The following NDUFS1 variants were observed in gnomAD, a reference collection of about 807,000 sequenced individuals.
NDUFS1 encodes NADH:ubiquinone oxidoreductase core subunit S1.
In NDUFS1, 61 loss-of-function variants were observed where a neutral mutation model predicts 84.4. The ratio of observed to expected loss-of-function variants is 0.72; its 90% CI spans 0.59 to 0.89. The LOEUF (loss-of-function observed/expected upper bound fraction) is 0.89, where lower values mean the gene tolerates loss of function less well. Among genes scored for constraint, NDUFS1 ranks in the 40% least tolerant of loss-of-function variants. The pLI is 0.00. For missense variants in NDUFS1, 891 were observed against 890.0 expected, an observed-to-expected ratio of 1.00 and a Z score of -0.01; for synonymous variants, 275 against 290.0, an observed-to-expected ratio of 0.95 and a Z score of 0.53.
At position 206,135,168 on chromosome 2, in the gene NDUFS1, G is replaced by A. The variant is rs561188254; in HGVS notation, c.1393-2063C>T. Among the ~76,000 whole-genome samples the A allele has an allele frequency of 1.1e-4, 17 of 151,788 alleles. 1 individual carries two copies. Among genetic ancestry groups the A allele is most frequent in the African/African-American group, 2.2e-4 (9 of 41,430 alleles). On this transcript the variant is annotated intron_variant, in intron 13 of 18. Coordinates refer to ENST00000233190, the MANE Select transcript of NDUFS1 (RefSeq NM_005006.7). ...CAAGTAGCTGAGATTACTGGCACAC[G>A]CCACCATGCCAAGCAAATTGGGGTT...
At chr2:206,153,915 T>G (rs759411588) in intron 1 of NDUFS1, among the ~76,000 whole-genome samples, 31 of 152,108 alleles carry the variant, frequency 2.0e-4, no homozygotes, top group Non-Finnish European at 3.7e-4. Context: ...ACTTTCTAAT[T>G]CTATGCAGAG....
Position 206,141,982 on chromosome 2 carries a change from T to A in NDUFS1, c.1221A>T (p.Pro407=). Residue 407 remains proline, a synonymous_variant, in exon 12 of 19, where the codon CCA becomes CCT. Coordinates refer to ENST00000233190, the MANE Select transcript of NDUFS1 (RefSeq NM_005006.7). The part of the protein sequence containing the change: ...ADVVLLVGTN[P]RFEAPLFNAR... ...CATTAAACAGTGGTGCCTCAAAACGTGGGTTTGTACCAACCAGAAGAACAA... is the reference window on the plus strand; with the variant it reads ...CATTAAACAGTGGTGCCTCAAAACGAGGGTTTGTACCAACCAGAAGAACAA... 2.5e-6 allele frequency: 4 copies of A among 1,611,578 alleles called. No homozygotes were observed. Among genetic ancestry groups the A allele is most frequent in the Non-Finnish European group, 3.4e-6 (4 of 1,177,814 alleles).
At position 206,153,680 on chromosome 2, in the gene NDUFS1, T is replaced by C; in HGVS notation, c.-2A>G. 2.1e-6 allele frequency: 3 copies of C among 1,452,248 alleles called. No individual in the cohort carries two copies. The highest frequency in any genetic ancestry group is 2.9e-6 in the Non-Finnish European group (3 of 1,044,802). The allele number at this position is 1,452,248 out of a possible 1,614,324, so 90.0% of individuals were successfully genotyped here. A position where few individuals can be genotyped will look rare whatever the true frequency, so the allele number is the denominator to read the frequency against. On this transcript the variant is annotated splice_region_variant and 5_prime_UTR_variant, in exon 2 of 19. Coordinates refer to ENST00000233190, the MANE Select transcript of NDUFS1 (RefSeq NM_005006.7). Reference sequence around the variant, plus strand: ...CTTTCTTACAGGTATCCTTAACATATTGCTAAAAATAAAACAAAGAATTAT... The same window carrying C: ...CTTTCTTACAGGTATCCTTAACATACTGCTAAAAATAAAACAAAGAATTAT...
chr2:206,138,178 C>T, intron 13 of NDUFS1, among the ~76,000 whole-genome samples: 1 of 152,182 alleles, frequency 6.6e-6, no homozygotes, highest in East Asian at 1.9e-4. Flanking sequence ...GCAACCTCCG[C>T]CTCCTGGGTT....
Position 206,119,752 on chromosome 2 carries a change from T to C in NDUFS1, c.*4433A>G, listed in dbSNP as rs1257958681. 6.6e-6 allele frequency: 1 copy of C among 152,118 alleles called. No homozygotes were observed. The highest frequency in any genetic ancestry group is 2.4e-5 in the African/African-American group (1 of 41,422). 9.4% of individuals were successfully genotyped at this position (152,118 alleles called of 1,614,324 possible). A position where few individuals can be genotyped will look rare whatever the true frequency, so the allele number is the denominator to read the frequency against. The stretch of plus-strand genomic sequence containing the variant: ...AATTAATGTATTCATTATAATACAA[T>C]TTACTACAAATTTGAGGGGGGAGGC... On this transcript the variant is annotated 3_prime_UTR_variant, in exon 19 of 19. Coordinates refer to ENST00000233190, the MANE Select transcript of NDUFS1 (RefSeq NM_005006.7).
intron 14 of NDUFS1, among the ~76,000 whole-genome samples, chr2:206,130,697 A>G (rs2105949526): frequency 1.3e-5 from 2 of 152,308 alleles, no homozygotes; most frequent in East Asian, 3.9e-4. Flanking sequence ...TGCTAAAACC[A>G]GAAACAGCAG....
At chr2:206,155,136 T>A (rs1463614792) in intron 1 of NDUFS1, among the ~76,000 whole-genome samples, 3 of 151,872 alleles carry the variant, frequency 2.0e-5, no homozygotes, top group Non-Finnish European at 2.9e-5. Flanking sequence ...ATTTATTTAT[T>A]GAGACGGAGT....
intron 12 of NDUFS1, 83 bp from the exon 13 acceptor site, chr2:206,138,697 T>G: frequency 7.3e-7 from 1 of 1,370,202 alleles, no homozygotes; most frequent in Non-Finnish European, 1.0e-6. Context: ...ATACATCTAT[T>G]TACTATTACA....
intron 16 of NDUFS1, chr2:206,127,576 CAG>C (rs1160229270): frequency 2.7e-5 from 13 of 477,550 alleles, no homozygotes; most frequent in Non-Finnish European, 4.8e-5. Flanking sequence ...TTTTAAGAGA[CAG>C]GGTCTTGCTC....
rs1038734448 is a variant in NDUFS1, at chr2:206,146,781, A to G, written c.737+122T>C. ...TTACCTTCTATTTAAAGGGTTTTACATAAACAAACAAAGTCAACAGACCAA... is the reference window on the plus strand; with the variant it reads ...TTACCTTCTATTTAAAGGGTTTTACGTAAACAAACAAAGTCAACAGACCAA... On this transcript the variant is annotated intron_variant, in intron 8 of 18. Transcript: ENST00000233190. 4.4e-6 allele frequency: 4 copies of G among 909,592 alleles called. No homozygotes were observed. The African/African-American group carries it at 6.7e-5, about 15-fold the overall frequency. The allele number at this position is 909,592 out of a possible 1,614,324, so 56.3% of individuals were successfully genotyped here. A position where few individuals can be genotyped will look rare whatever the true frequency, so the allele number is the denominator to read the frequency against.
rs34133956 is a variant in NDUFS1, at chr2:206,116,812, G to A, written c.*7373C>T. On this transcript the variant is annotated 3_prime_UTR_variant, in exon 19 of 19. Coordinates refer to ENST00000233190, the MANE Select transcript of NDUFS1 (RefSeq NM_005006.7). ...CGAGGTGGGCAGATCATGAGGTCAG[G>A]AGTTTGAGACCAGCCTGACCAACAT... The A allele has an allele frequency of 0.48, 90,517 of 188,192 alleles. 22,903 individuals carry two copies. Among genetic ancestry groups the A allele is most frequent in the African/African-American group, 0.64 (26,832 of 41,918 alleles). 11.7% of individuals were successfully genotyped at this position (188,192 alleles called of 1,614,324 possible). A position where few individuals can be genotyped will look rare whatever the true frequency, so the allele number is the denominator to read the frequency against.
intron 18 of NDUFS1, among the ~76,000 whole-genome samples, chr2:206,124,501 A>T (rs1691206589): frequency 6.6e-6 from 1 of 152,162 alleles, no homozygotes; most frequent in Non-Finnish European, 1.5e-5. Context: ...GCAGCTAGAC[A>T]GTGCACCAGT....
At position 206,138,469 on chromosome 2, in the gene NDUFS1, C is replaced by T. The variant is rs771799646; in HGVS notation, c.1392+16G>A. 5 of 1,611,532 alleles carry T rather than the reference C, an allele frequency of 3.1e-6. No individual in the cohort carries two copies. The highest frequency in any genetic ancestry group is 3.4e-6 in the Non-Finnish European group (4 of 1,177,770). On this transcript the variant is annotated intron_variant, in intron 13 of 18. Transcript: ENST00000233190. ...TTAAAAATCAACAAGAGTAGATACA[C>T]ATAAGTTGAGAGCACCTGGCTAAAT...
intron 15 of NDUFS1, among the ~76,000 whole-genome samples, chr2:206,129,199 A>C (rs1334221941): frequency 6.6e-6 from 1 of 152,214 alleles, no homozygotes. Flanking sequence ...TGAAGTACGC[A>C]TATCAAAACT....
chr2:206,144,440 C>G (rs986984695), intron 9 of NDUFS1, among the ~76,000 whole-genome samples: 2 of 152,194 alleles, frequency 1.3e-5, no homozygotes, highest in Non-Finnish European at 2.9e-5. Flanking sequence ...AAAAATCTGA[C>G]AGCTAAAAAA....
intron 3 of NDUFS1, among the ~76,000 whole-genome samples, chr2:206,152,143 G>A (rs1037416662): frequency 2.6e-5 from 4 of 152,206 alleles, no homozygotes; most frequent in African/African-American, 9.6e-5. Flanking sequence ...TTACAGGCAT[G>A]AGCCACTGCG....
At chr2:206,156,613 G>T (rs1029541753) in intron 1 of NDUFS1, among the ~76,000 whole-genome samples, 1 of 151,892 alleles carries the variant, frequency 6.6e-6, no homozygotes, top group Non-Finnish European at 1.5e-5. Context: ...TGATTAGAAC[G>T]TATTAAAAAA....
chr2:206,152,004 T>C (rs1359372274), intron 3 of NDUFS1, among the ~76,000 whole-genome samples: 1 of 152,198 alleles, frequency 6.6e-6, no homozygotes, highest in East Asian at 1.9e-4. Flanking sequence ...TAGCTGGGAT[T>C]ACAGGTGCGC....
Position 206,123,028 on chromosome 2 carries a change from C to A in NDUFS1, c.*1157G>T, listed in dbSNP as rs1253352981. Reference sequence around the variant, plus strand: ...GGGATTACAGGTGTAAGCCACCACACCCAACCTTAGATTAAAAAAAAAAAT... The same window carrying A: ...GGGATTACAGGTGTAAGCCACCACAACCAACCTTAGATTAAAAAAAAAAAT... On this transcript the variant is annotated 3_prime_UTR_variant, in exon 19 of 19. Transcript: ENST00000233190. The A allele has an allele frequency of 6.6e-6, 1 of 152,036 alleles. No individual in the cohort carries two copies. The highest frequency in any genetic ancestry group is 1.9e-4 in the East Asian group (1 of 5,176). 9.4% of individuals were successfully genotyped at this position (152,036 alleles called of 1,614,324 possible).
Sources: allele counts gnomAD v4.1 joint callset (sites outside exome capture counted in the v4.1 genomes callset), GRCh38; gene constraint gnomAD v4.1.1; transcripts MANE v1.5; gene names NCBI Gene and HGNC (gene_info 2026-07-23, HGNC 2026-07-21).